Variants in CLIC5 observed in about 807,000 individuals in gnomAD.
The protein encoded by CLIC5 is CLIC family member 5, also known as chloride intracellular channel protein 5.
Under a neutral mutation model 24.7 loss-of-function variants are expected in CLIC5, and 20 were observed. That is an observed-to-expected ratio of 0.81 (90% CI 0.57 to 1.18). The LOEUF (loss-of-function observed/expected upper bound fraction) is 1.18. Ranked by LOEUF, CLIC5 falls within the 50% of genes most tolerant of loss-of-function variation. The pLI is 0.00. For synonymous variants in CLIC5, 159 were observed against 135.6 expected (o/e 1.17, Z -1.20); for missense variants, 341 against 326.1 (o/e 1.05, Z -0.35).
Position 46,015,506 on chromosome 6 carries a change from C to T in CLIC5, c.37G>A (p.Asp13Asn), listed in dbSNP as rs764216212. The change falls in exon 1 of 6, where the codon GAC becomes AAC. Residue 13 changes from aspartate (D) to asparagine (N), a missense_variant. Physicochemically the swap from Asp to Asn is conservative, Grantham distance 23. Coordinates refer to ENST00000339561, the MANE Select transcript of CLIC5 (RefSeq NM_016929.5). ...DSATANGDDR[D>N]PEIELFVKAG... The stretch of plus-strand genomic sequence containing the variant: ...TTCACAAAGAGCTCGATCTCGGGGT[C>T]CCTGTCGTCCCCGTTAGCTGTCGCC... 1.8e-5 allele frequency: 29 copies of T among 1,571,284 alleles called. No homozygotes were observed. In the Admixed American group the frequency reaches 2.4e-4, roughly 13 times the overall value.
chr6:45,997,191 C>A (rs1370010721), intron 1 of CLIC5, among the ~76,000 whole-genome samples: 3 of 150,970 alleles, frequency 2.0e-5, no homozygotes, highest in Non-Finnish European at 4.4e-5. Context: ...ATGATGAGTT[C>A]ATGTCCTTTG....
At chr6:46,078,405 G>A (rs1175434373) in intron 1 of CLIC5, among the ~76,000 whole-genome samples, 1 of 151,982 alleles carries the variant, frequency 6.6e-6, no homozygotes, top group Non-Finnish European at 1.5e-5. Context: ...TGACAGTGAT[G>A]ATGTGGATAT....
intron 1 of CLIC5, among the ~76,000 whole-genome samples, chr6:45,985,503 G>A (rs556666213): frequency 6.6e-6 from 1 of 152,210 alleles, no homozygotes; most frequent in South Asian, 2.1e-4. Context: ...ACAGTGAAGT[G>A]ACTCCTTTCT....
chr6:45,910,644 T>C (rs925382186), intron 5 of CLIC5, among the ~76,000 whole-genome samples: 5 of 152,228 alleles, frequency 3.3e-5, no homozygotes, highest in African/African-American at 9.6e-5. Context: ...ACATAGCTGA[T>C]AAAGCAATGG....
chr6:46,050,853 A>ATGTGTGTG (rs56660827), intron 1 of CLIC5, among the ~76,000 whole-genome samples: 11,732 of 148,574 alleles, frequency 0.079, 494 homozygotes, highest in Middle Eastern at 0.16. Context: ...GTGTGTGTGT[A>ATGTGTGTG]TGTGTGTGTG....
intron 1 of CLIC5, among the ~76,000 whole-genome samples, chr6:46,053,877 A>G (rs1036138715): frequency 6.6e-6 from 1 of 152,170 alleles, no homozygotes; most frequent in Non-Finnish European, 1.5e-5. Flanking sequence ...GACCATTTAC[A>G]ACCTCTGAGA....
chr6:45,954,832 A>C (rs931172715), intron 2 of CLIC5, among the ~76,000 whole-genome samples: 1 of 152,164 alleles, frequency 6.6e-6, no homozygotes, highest in Non-Finnish European at 1.5e-5. Context: ...GACTAATCCT[A>C]TGTTTTTAGA....
intron 1 of CLIC5, among the ~76,000 whole-genome samples, chr6:45,956,636 G>A (rs1764652981): frequency 6.6e-6 from 1 of 152,062 alleles, no homozygotes; most frequent in African/African-American, 2.4e-5. Flanking sequence ...TTTCTACCTT[G>A]CAAATTGCTC....
At chr6:46,090,022 T>C in the CLIC5 span, among the ~76,000 whole-genome samples, 4 of 152,116 alleles carry the variant, frequency 2.6e-5, no homozygotes, top group East Asian at 7.7e-4. Flanking sequence ...AGGGTGCATG[T>C]CCCCCAACAG....
chr6:45,970,900 G>T (rs1366392179), intron 1 of CLIC5, among the ~76,000 whole-genome samples: 2 of 152,298 alleles, frequency 1.3e-5, no homozygotes, highest in African/African-American at 2.4e-5. Context: ...ATGCTCACTT[G>T]TTCATTGGGC....
Position 45,949,263 on chromosome 6 carries a change from G to C in CLIC5, c.292C>G (p.Pro98Ala). ...AAAGAAACAGATCCTTACTTTTCAG[G>C]GGTCAAGGTCTCCTCCAGGAACTCC... Reference protein sequence around the residue: ...IEEFLEETLTPEKYPKLAAKH... With the variant: ...IEEFLEETLTAEKYPKLAAKH... The change falls in exon 3 of 6, where the codon CCT becomes GCT. Residue 98 changes from proline to alanine, a missense_variant. Coordinates refer to ENST00000339561, the MANE Select transcript of CLIC5 (RefSeq NM_016929.5). 6.2e-7 allele frequency: 1 copy of C among 1,613,110 alleles called. No homozygotes were observed. The highest frequency in any genetic ancestry group is 8.5e-7 in the Non-Finnish European group (1 of 1,179,456).
intron 4 of CLIC5, among the ~76,000 whole-genome samples, chr6:45,939,140 G>A (rs1017990357): frequency 6.6e-6 from 1 of 151,454 alleles, no homozygotes; most frequent in African/African-American, 2.4e-5. Context: ...TCCCTGGCTT[G>A]TGACAGCATC....
chr6:46,046,606 G>A (rs1171719870), intron 1 of CLIC5, among the ~76,000 whole-genome samples: 2 of 152,196 alleles, frequency 1.3e-5, no homozygotes, highest in African/African-American at 2.4e-5. Context: ...ACTTTCAGAT[G>A]GGTGTATACC....
Position 45,920,112 on chromosome 6 carries a change from C to T in CLIC5, c.407-5703G>A, listed in dbSNP as rs1763196357. ...AGAGGATGGGGTTCCCCTCATGACT[C>T]CCCCATGCCTTACCTTCCAACTAAT... On this transcript the variant is annotated intron_variant, in intron 4 of 5. Coordinates refer to ENST00000339561, the MANE Select transcript of CLIC5 (RefSeq NM_016929.5). 5.3e-6 allele frequency: 5 copies of T among 950,730 alleles called. No homozygotes were observed. The African/African-American group carries it at 8.8e-5, about 17-fold the overall frequency. The allele number at this position is 950,730 out of a possible 1,614,324, so 58.9% of individuals were successfully genotyped here. A position where few individuals can be genotyped will look rare whatever the true frequency, so the allele number is the denominator to read the frequency against.
At chr6:45,884,844 G>A (rs960893716) in intron 6 of CLIC5, among the ~76,000 whole-genome samples, 2 of 152,024 alleles carry the variant, frequency 1.3e-5, no homozygotes, top group Non-Finnish European at 2.9e-5. Context: ...GGGAGAGAGG[G>A]GATATTGGGG....
chr6:46,097,428 T>C, the CLIC5 span: 1 of 152,226 alleles, frequency 6.6e-6, no homozygotes, highest in African/African-American at 2.4e-5. Context: ...TAGATGCCAT[T>C]GATGTACATT....
intron 1 of CLIC5, among the ~76,000 whole-genome samples, chr6:45,998,590 T>G (rs1036985871): frequency 3.9e-5 from 6 of 152,220 alleles, no homozygotes; most frequent in Non-Finnish European, 8.8e-5. Flanking sequence ...GGAATATTAA[T>G]AACCTGGATT....
At chr6:45,932,340 C>A (rs1252622388) in intron 4 of CLIC5, among the ~76,000 whole-genome samples, 1 of 152,140 alleles carries the variant, frequency 6.6e-6, no homozygotes, top group African/African-American at 2.4e-5. Context: ...AACTCGTGAC[C>A]TCGTGATCGG....
intron 1 of CLIC5, among the ~76,000 whole-genome samples, chr6:45,986,047 C>G (rs2021686): frequency 0.61 from 92,406 of 151,434 alleles, 29,542 homozygotes; most frequent in East Asian, 0.84. Flanking sequence ...CTGCCACAAT[C>G]TAAGACATGA....
Sources: allele counts gnomAD v4.1 joint callset (sites outside exome capture counted in the v4.1 genomes callset), GRCh38; gene constraint gnomAD v4.1.1; transcripts MANE v1.5; gene names NCBI Gene and HGNC (gene_info 2026-07-23, HGNC 2026-07-21).